The following FCHO1 variants were observed in gnomAD, a reference collection of about 807,000 sequenced individuals.
FCHO1 encodes F-BAR domain only protein 1.
A neutral mutation model predicts 114.4 loss-of-function variants in FCHO1; 45 were observed. The ratio of observed to expected loss-of-function variants is 0.39; its 90% confidence interval spans 0.31 to 0.50. The LOEUF (loss-of-function observed/expected upper bound fraction) is 0.50, where lower values mean the gene tolerates loss of function less well. Among genes scored for constraint, FCHO1 ranks in the 20% least tolerant of loss-of-function variants. The pLI is 0.77. For missense variants in FCHO1, 1,042 were observed against 1,209.6 expected (o/e 0.86, Z 2.06); for synonymous variants, 480 against 488.9 (o/e 0.98, Z 0.24).
intron 18 of FCHO1, among the ~76,000 whole-genome samples, chr19:17,777,352 CAT>C (rs2092758687): frequency 6.6e-6 from 1 of 151,690 alleles, no homozygotes; most frequent in African/African-American, 2.4e-5. Flanking sequence ...GCCTGACCAA[CAT>C]AAAGAAACCC....
chr19:17,762,998 G>A, intron 5 of FCHO1, 145 bp downstream of exon 5: 2 of 604,498 alleles, frequency 3.3e-6, no homozygotes, highest in East Asian at 2.8e-5. Context: ...GGAAATGACC[G>A]ATTCTCAACC....
chr19:17,747,993 T>C (rs2146025305), upstream of FCHO1, among the ~76,000 whole-genome samples: 1 of 152,176 alleles, frequency 6.6e-6, no homozygotes, highest in African/African-American at 2.4e-5. Context: ...AAGTGGTAAT[T>C]GGGGGTCCGC....
At chr19:17,774,811 A>T (rs1453719630) in intron 13 of FCHO1, 8 of 585,696 alleles carry the variant, frequency 1.4e-5, no homozygotes, top group African/African-American at 1.9e-5. Context: ...TTCACAAGGC[A>T]GCCCTTCAAA....
chr19:17,764,044 C>T (rs1362493984), intron 5 of FCHO1, among the ~76,000 whole-genome samples: 1 of 145,164 alleles, frequency 6.9e-6, no homozygotes, highest in African/African-American at 2.5e-5. Flanking sequence ...GCTTCTTCAT[C>T]TTTTTTTTTT....
chr19:17,759,226 C>CTTTTTTTTTTTTT (rs1473282318), intron 4 of FCHO1, among the ~76,000 whole-genome samples: 48,518 of 101,552 alleles, frequency 0.48, 13,462 homozygotes, highest in East Asian at 0.56. Context: ...AGCTGATTAC[C>CTTTTTTTTTTTTT]TTTTTTTTTT....
intron 4 of FCHO1, 188 bp downstream of exon 4, chr19:17,755,379 C>T: frequency 1.8e-6 from 1 of 570,920 alleles, no homozygotes; most frequent in South Asian, 2.1e-5. Flanking sequence ...ACAGGCCTTA[C>T]AACCTTGGGC....
intron 1 of FCHO1, chr19:17,753,740 C>A (rs1382480132): frequency 6.6e-6 from 1 of 152,312 alleles, no homozygotes; most frequent in Non-Finnish European, 1.5e-5. Context: ...CATCTCAGCT[C>A]ACTGCAACCT....
At chr19:17,761,599 AAG>A (rs1019395248) in intron 4 of FCHO1, among the ~76,000 whole-genome samples, 19 of 149,290 alleles carry the variant, frequency 1.3e-4, no homozygotes, top group African/African-American at 4.2e-4. Flanking sequence ...TCATGTTGCA[AAG>A]AGAGACAATT....
upstream of FCHO1, among the ~76,000 whole-genome samples, chr19:17,749,730 G>A (rs1226079606): frequency 6.6e-6 from 1 of 152,134 alleles, no homozygotes; most frequent in Non-Finnish European, 1.5e-5. Context: ...GTGTGGTGAC[G>A]AGAATCAAGC....
rs1220438708 is a variant in FCHO1 at position 17,760,114 on chromosome 19, C to T, written c.28-2648C>T. 3.3e-5 allele frequency among the ~76,000 whole-genome samples: 5 copies of T among 151,422 alleles called. No individual in the cohort carries two copies. The East Asian group carries it at 7.8e-4, about 24-fold the overall frequency. On this transcript the variant is annotated intron_variant, in intron 4 of 28. Coordinates refer to ENST00000596536, the MANE Select transcript of FCHO1 (RefSeq NM_015122.3). The stretch of plus-strand genomic sequence containing the variant: ...TCACCCAGGCTGGAGTGCAATGGCA[C>T]GATCTCAGCTCACTACAACCTCTGC...
rs2287855 is a variant in FCHO1 at position 17,775,071 on chromosome 19, C to T, written c.936C>T (p.Pro312=). The T allele has an allele frequency of 0.14, 227,940 of 1,612,372 alleles. 17,544 individuals carry two copies. The highest frequency in any genetic ancestry group is 0.15 in the Non-Finnish European group (174,970 of 1,179,172). Residue 312 remains proline (P), a synonymous_variant, in exon 14 of 29, where the codon CCC becomes CCT. Coordinates refer to ENST00000596536, the MANE Select transcript of FCHO1 (RefSeq NM_015122.3). This position sits in a 1 kb window ranked among gnomAD's most constrained non-coding sequence, Gnocchi z 5.1. ...EPPAAVDFLE[P]DSGTCPEVDE... ...CCATCCCCAGAGATTTCCTGGAGCCCGATTCAGGGGTGAGTGATGTGGGAG... is the reference window on the plus strand; with the variant it reads ...CCATCCCCAGAGATTTCCTGGAGCCTGATTCAGGGGTGAGTGATGTGGGAG...
intron 4 of FCHO1, among the ~76,000 whole-genome samples, chr19:17,762,174 C>T (rs1165411938): frequency 6.6e-6 from 1 of 152,058 alleles, no homozygotes; most frequent in Non-Finnish European, 1.5e-5. Flanking sequence ...TTAGTAGAGA[C>T]GGAGTTTTGC....
chr19:17,755,072 C>G, intron 3 of FCHO1, 46 bp from the exon 4 acceptor site: 1 of 1,243,952 alleles, frequency 8.0e-7, no homozygotes, highest in Non-Finnish European at 1.2e-6. Context: ...CCCACCAAGC[C>G]CACACTGGCA....
At chr19:17,756,246 A>G (rs2083459544) in intron 4 of FCHO1, among the ~76,000 whole-genome samples, 1 of 152,018 alleles carries the variant, frequency 6.6e-6, no homozygotes, top group Non-Finnish European at 1.5e-5. Flanking sequence ...CCTCTCTCCA[A>G]AGGTCAGACT....
chr19:17,772,637 C>T lies in FCHO1; in HGVS notation c.694-8C>T, dbSNP rs570592690. On this transcript the variant is annotated splice_polypyrimidine_tract_variant and splice_region_variant and intron_variant, in intron 10 of 28. Transcript: ENST00000596536. ...TGACCAGTTACACACCCCGCCCACC[C>T]GGCACAGGTGCATGAGGAATTTAAG... 10 of 1,613,974 alleles carry T rather than the reference C, an allele frequency of 6.2e-6. No individual in the cohort carries two copies. The highest frequency in any genetic ancestry group is 2.7e-5 in the African/African-American group (2 of 75,020).
At position 17,775,085 on chromosome 19, in the gene FCHO1, G is replaced by A; in HGVS notation, c.945+5G>A. On this transcript the variant is annotated splice_donor_5th_base_variant and intron_variant, in intron 14 of 28. Coordinates refer to ENST00000596536, the MANE Select transcript of FCHO1 (RefSeq NM_015122.3). The surrounding 1 kb of genome is among the most constrained non-coding windows in gnomAD (Gnocchi z 5.1). ...TTCCTGGAGCCCGATTCAGGGGTGA[G>A]TGATGTGGGAGGGGTCAGGCTGGGC... 1 of 1,612,976 alleles carries A rather than the reference G, an allele frequency of 6.2e-7. No homozygotes were observed. The highest frequency in any genetic ancestry group is 8.5e-7 in the Non-Finnish European group (1 of 1,179,442).
rs1014980261 is a variant in FCHO1, at chr19:17,781,434, T to C, written c.1741-18T>C. 3.7e-6 allele frequency: 6 copies of C among 1,613,740 alleles called. No individual in the cohort carries two copies. The Admixed American group carries it at 5.0e-5, about 13-fold the overall frequency. On this transcript the variant is annotated intron_variant, in intron 21 of 28. Coordinates refer to ENST00000596536, the MANE Select transcript of FCHO1 (RefSeq NM_015122.3). Reference sequence around the variant, plus strand: ...GTCCTGGGGCACTCACAGCCAAGATTGTCTCTTTCCCTTCCAGTCTCGTTC... The same window carrying C: ...GTCCTGGGGCACTCACAGCCAAGATCGTCTCTTTCCCTTCCAGTCTCGTTC...
At chr19:17,778,539 C>T in intron 19 of FCHO1, 70 bp from the exon 20 acceptor site, 2 of 1,452,196 alleles carry the variant, frequency 1.4e-6, no homozygotes, top group Non-Finnish European at 9.1e-7. Context: ...GTGGCCGTGG[C>T]CTGCAGGAGG....
At chr19:17,786,163 G>A (rs575716847) in intron 26 of FCHO1, among the ~76,000 whole-genome samples, 27 of 151,826 alleles carry the variant, frequency 1.8e-4, no homozygotes, top group African/African-American at 5.8e-4. Context: ...GTGAAACCCC[G>A]TCTCTACTAA....
Sources: allele counts gnomAD v4.1 joint callset (sites outside exome capture counted in the v4.1 genomes callset), GRCh38; gene constraint gnomAD v4.1.1; non-coding constraint Gnocchi (gnomAD v3.1); transcripts MANE v1.5; gene names NCBI Gene and HGNC (gene_info 2026-07-23, HGNC 2026-07-21).